The following STAU2 variants were observed in gnomAD, a reference collection of about 807,000 sequenced individuals.
STAU2 encodes the protein double-stranded RNA-binding protein Staufen homolog 2.
Under a neutral mutation model 65.9 loss-of-function variants are expected in STAU2, and 20 were observed. That is an observed-to-expected ratio of 0.30 (90% CI 0.21 to 0.44). STAU2 has a LOEUF of 0.44. Ranked by LOEUF, STAU2 falls within the 20% of genes least tolerant of loss-of-function variation. STAU2 has a pLI of 1.00. For missense variants in STAU2, 558 were observed against 683.9 expected (o/e 0.82, Z 2.05); for synonymous variants, 232 against 233.9 (o/e 0.99, Z 0.07).
At chr8:73,637,965 C>A (rs927798839) in intron 6 of STAU2, among the ~76,000 whole-genome samples, 4 of 151,686 alleles carry the variant, frequency 2.6e-5, no homozygotes, top group African/African-American at 9.7e-5. Flanking sequence ...AAAAATAATG[C>A]AGCTTCTTAC....
intron 13 of STAU2, among the ~76,000 whole-genome samples, chr8:73,520,295 G>A (rs1006806762): frequency 1.3e-5 from 2 of 152,054 alleles, no homozygotes; most frequent in Admixed American, 1.3e-4. Flanking sequence ...TGTATTATAA[G>A]AATAAAATAC....
chr8:73,682,114 C>T (rs1028041773), intron 5 of STAU2, among the ~76,000 whole-genome samples: 1 of 152,062 alleles, frequency 6.6e-6, no homozygotes, highest in African/African-American at 2.4e-5. Context: ...AAACTATACC[C>T]TACAACAAAT....
intron 13 of STAU2, among the ~76,000 whole-genome samples, chr8:73,448,498 T>C (rs2128893971): frequency 6.6e-6 from 1 of 152,210 alleles, no homozygotes; most frequent in African/African-American, 2.4e-5. Context: ...GTCCAGGCTG[T>C]TCTAGAACTC....
chr8:73,534,141 T>G (rs1013130682), intron 13 of STAU2, among the ~76,000 whole-genome samples: 3 of 152,134 alleles, frequency 2.0e-5, no homozygotes, highest in African/African-American at 7.2e-5. Context: ...AACTGTGGAG[T>G]TGACTTCACA....
At chr8:73,736,149 G>A (rs927582181) in intron 3 of STAU2, among the ~76,000 whole-genome samples, 1 of 152,164 alleles carries the variant, frequency 6.6e-6, no homozygotes, top group Non-Finnish European at 1.5e-5. Flanking sequence ...TAGTACAGGA[G>A]AAAACTAAAT....
chr8:73,747,372 AT>A (rs1563546346), upstream of STAU2: 1 of 1,535,152 alleles, frequency 6.5e-7, no homozygotes, highest in Non-Finnish European at 8.7e-7. Flanking sequence ...CTGTGCTCTG[AT>A]TCCCCGCTCG....
chr8:73,744,104 A>G (rs1182073235), intron 1 of STAU2, among the ~76,000 whole-genome samples: 2 of 152,178 alleles, frequency 1.3e-5, no homozygotes, highest in Non-Finnish European at 2.9e-5. Context: ...GCTTGGTGAA[A>G]AATAAAAGAT....
intron 6 of STAU2, among the ~76,000 whole-genome samples, chr8:73,617,999 G>T (rs936347500): frequency 1.3e-5 from 2 of 152,102 alleles, no homozygotes; most frequent in Non-Finnish European, 2.9e-5. Context: ...AGGTAATGAG[G>T]CTAATGAGGT....
intron 12 of STAU2, among the ~76,000 whole-genome samples, chr8:73,567,707 G>A (rs907508326): frequency 4.0e-5 from 6 of 151,840 alleles, no homozygotes; most frequent in African/African-American, 1.5e-4. Context: ...GCCACACCAT[G>A]CCTGGCAAAT....
chr8:73,615,614 T>C, intron 8 of STAU2, 61 bp downstream of exon 8: 2 of 1,287,338 alleles, frequency 1.6e-6, no homozygotes, highest in East Asian at 2.3e-5. Flanking sequence ...TTAATTTGAT[T>C]TGTTTGTTTA....
At chr8:73,685,857 G>A (rs1818771134) in intron 5 of STAU2, among the ~76,000 whole-genome samples, 2 of 152,164 alleles carry the variant, frequency 1.3e-5, no homozygotes, top group African/African-American at 4.8e-5. Flanking sequence ...GTATACACAT[G>A]TTTATAGCAG....
At chr8:73,626,534 T>G (rs1034118213) in intron 6 of STAU2, among the ~76,000 whole-genome samples, 10 of 152,252 alleles carry the variant, frequency 6.6e-5, no homozygotes, top group African/African-American at 2.2e-4. Flanking sequence ...AAGAAGAGAA[T>G]AGGTGACAAG....
At chr8:73,504,100 G>A (rs1040299623) in intron 13 of STAU2, among the ~76,000 whole-genome samples, 2 of 152,084 alleles carry the variant, frequency 1.3e-5, no homozygotes, top group Admixed American at 6.6e-5. Context: ...ATGCTATTTT[G>A]TCTCAGGTCA....
chr8:73,446,042 C>A (rs1818449787), intron 13 of STAU2, among the ~76,000 whole-genome samples: 1 of 152,116 alleles, frequency 6.6e-6, no homozygotes, highest in Admixed American at 6.5e-5. Flanking sequence ...TAGAAACAAC[C>A]AAAATATCCC....
chr8:73,488,553 T>C (rs774516093), intron 13 of STAU2, among the ~76,000 whole-genome samples: 7 of 152,028 alleles, frequency 4.6e-5, no homozygotes, highest in Non-Finnish European at 8.8e-5. Flanking sequence ...AAAGGGCAAT[T>C]AAAGATCAGT....
intron 6 of STAU2, among the ~76,000 whole-genome samples, chr8:73,632,796 C>T (rs1305419192): frequency 6.6e-6 from 1 of 152,170 alleles, no homozygotes. Context: ...TCTTAGTTGT[C>T]ACTTGACTCT....
intron 9 of STAU2, among the ~76,000 whole-genome samples, chr8:73,613,076 G>A (rs1454812726): frequency 6.6e-6 from 1 of 152,190 alleles, no homozygotes; most frequent in African/African-American, 2.4e-5. Flanking sequence ...CTTTGGCAAG[G>A]TATACACATC....
intron 13 of STAU2, among the ~76,000 whole-genome samples, chr8:73,480,916 T>A (rs1411106399): frequency 6.6e-6 from 1 of 152,284 alleles, no homozygotes; most frequent in East Asian, 1.9e-4. Flanking sequence ...GGCTTAAACT[T>A]AAGTGTGCCA....
At chr8:73,514,348 C>T (rs1218116535) in intron 13 of STAU2, among the ~76,000 whole-genome samples, 2 of 152,174 alleles carry the variant, frequency 1.3e-5, no homozygotes, top group African/African-American at 2.4e-5. Context: ...CTTATAGACA[C>T]CAGCATAATC....
Sources: gnomAD v4.1 joint callset for allele counts (sites outside exome capture counted in the v4.1 genomes callset) on GRCh38, gnomAD v4.1.1 for gene constraint, MANE v1.5 for transcripts, NCBI Gene and HGNC (gene_info 2026-07-23, HGNC 2026-07-21) for gene names.